PPP6R2: variants seen among roughly 807,000 people sequenced by gnomAD.
The protein encoded by PPP6R2 is serine/threonine-protein phosphatase 6 regulatory subunit 2.
PPP6R2 carries 62 observed loss-of-function variants against 100.2 expected under a neutral mutation model. The ratio of observed to expected loss-of-function variants is 0.62; its 90% CI spans 0.50 to 0.76. The LOEUF (loss-of-function observed/expected upper bound fraction) is 0.76, where lower values mean the gene tolerates loss of function less well. Ranked by LOEUF, PPP6R2 falls within the 30% of genes least tolerant of loss-of-function variation. The pLI is 0.00. For missense variants in PPP6R2, 1,142 were observed against 1,276.3 expected, an observed-to-expected ratio of 0.89 and a Z score of 1.60; for synonymous variants, 525 against 514.7, an observed-to-expected ratio of 1.02 and a Z score of -0.27.
chr22:50,349,363 CAAAAAAAA>C (rs1225878624), intron 1 of PPP6R2, among the ~76,000 whole-genome samples: 2 of 56,344 alleles, frequency 3.5e-5, no homozygotes, highest in South Asian at 6.6e-4. Context: ...GACCCTGTCT[CAAAAAAAA>C]AAAAAAAAAA....
chr22:50,411,688 G>A (rs2059760824), intron 4 of PPP6R2, among the ~76,000 whole-genome samples: 1 of 152,028 alleles, frequency 6.6e-6, no homozygotes, highest in Admixed American at 6.6e-5. Context: ...CGAGGGTGGA[G>A]GTTGCAGTGA....
At chr22:50,430,127 T>C (rs2062865721) in intron 10 of PPP6R2, among the ~76,000 whole-genome samples, 1 of 152,232 alleles carries the variant, frequency 6.6e-6, no homozygotes, top group Non-Finnish European at 1.5e-5. Context: ...GCGTCAGACC[T>C]ATGTCCCCCT....
At chr22:50,353,779 G>C (rs1040108435) in intron 1 of PPP6R2, among the ~76,000 whole-genome samples, 1 of 149,092 alleles carries the variant, frequency 6.7e-6, no homozygotes, top group Non-Finnish European at 1.5e-5. Context: ...ATAGAGGCAA[G>C]ATTTGTACCC....
At chr22:50,408,897 C>G (rs1228105371) in intron 4 of PPP6R2, among the ~76,000 whole-genome samples, 2 of 152,170 alleles carry the variant, frequency 1.3e-5, no homozygotes, top group Non-Finnish European at 2.9e-5. Context: ...AGTGGATCAC[C>G]TGAGGTCAGG....
chr22:50,394,189 C>CCCT, intron 3 of PPP6R2, 54 bp downstream of exon 3: 1 of 1,596,574 alleles, frequency 6.3e-7, no homozygotes, highest in Non-Finnish European at 8.6e-7. Flanking sequence ...GCAGGCAGGC[C>CCCT]GCAGGCAGTG....
chr22:50,386,569 T>C (rs73439388), intron 2 of PPP6R2, among the ~76,000 whole-genome samples: 8,871 of 152,264 alleles, frequency 0.058, 599 homozygotes, highest in African/African-American at 0.17. Context: ...CAAAGAACAG[T>C]GGCTTGAGCA....
intron 12 of PPP6R2, among the ~76,000 whole-genome samples, chr22:50,433,214 C>G (rs1260201687): frequency 6.6e-6 from 1 of 151,084 alleles, no homozygotes; most frequent in African/African-American, 2.4e-5. Context: ...TGGAGGTGAA[C>G]CTGGAGGAGG....
chr22:50,411,864 T>G (rs1039671223), intron 4 of PPP6R2, among the ~76,000 whole-genome samples: 1 of 151,840 alleles, frequency 6.6e-6, no homozygotes, highest in African/African-American at 2.4e-5. Flanking sequence ...GCTAACACGG[T>G]GAAACTCTGT....
At chr22:50,438,862 TG>T in intron 19 of PPP6R2, 100 bp downstream of exon 19, 1 of 1,230,574 alleles carries the variant, frequency 8.1e-7, no homozygotes, top group Non-Finnish European at 1.1e-6. Context: ...CTGAGGCATT[TG>T]GGGCTCACTG....
chr22:50,356,223 C>T (rs1192738932), intron 1 of PPP6R2, among the ~76,000 whole-genome samples: 1 of 151,462 alleles, frequency 6.6e-6, no homozygotes, highest in African/African-American at 2.4e-5. Context: ...CTCGGCCTCC[C>T]AAAATGCTGG....
At chr22:50,442,713 C>T (rs1042340791) in intron 22 of PPP6R2, among the ~76,000 whole-genome samples, 12 of 151,866 alleles carry the variant, frequency 7.9e-5, no homozygotes, top group East Asian at 3.9e-4. Context: ...CCACCAGGCC[C>T]GGCTAATTTT....
At chr22:50,398,755 T>A (rs985733166) in intron 3 of PPP6R2, among the ~76,000 whole-genome samples, 1 of 152,018 alleles carries the variant, frequency 6.6e-6, no homozygotes, top group Non-Finnish European at 1.5e-5. Flanking sequence ...GCTCAGGCAA[T>A]CTGCCTGCCT....
intron 1 of PPP6R2, among the ~76,000 whole-genome samples, chr22:50,361,258 A>G (rs2047731762): frequency 6.6e-6 from 1 of 152,178 alleles, no homozygotes; most frequent in South Asian, 2.1e-4. Flanking sequence ...TCTGGTTATC[A>G]TATGGAGACT....
At chr22:50,395,387 G>A (rs7511085) in intron 3 of PPP6R2, among the ~76,000 whole-genome samples, 54,743 of 151,800 alleles carry the variant, frequency 0.36, 10,441 homozygotes, top group South Asian at 0.61. Flanking sequence ...GGAGAACAGG[G>A]CGGAGCTGGC....
chr22:50,364,814 A>T (rs1296130715), intron 1 of PPP6R2, among the ~76,000 whole-genome samples: 1 of 152,116 alleles, frequency 6.6e-6, no homozygotes, highest in Non-Finnish European at 1.5e-5. Context: ...ATGAGGAAAG[A>T]GTGCCAAAGT....
intron 22 of PPP6R2, chr22:50,443,431 C>G (rs2066291660): frequency 6.2e-6 from 1 of 162,186 alleles, no homozygotes; most frequent in African/African-American, 2.4e-5. Context: ...CGTGGCCAGG[C>G]TGGGCCTTGG....
chr22:50,443,659 A>G, intron 22 of PPP6R2: 1 of 645,804 alleles, frequency 1.5e-6, no homozygotes, highest in Non-Finnish European at 2.6e-6. Context: ...ATGGACAGGC[A>G]GCTTGTCCCA....
At position 50,431,754 on chromosome 22, in the gene PPP6R2, C is replaced by T. The variant is rs1226893949; in HGVS notation, c.1335+372C>T. On this transcript the variant is annotated intron_variant, in intron 11 of 23. Transcript: ENST00000612753. This position sits in a 1 kb window ranked among gnomAD's most constrained non-coding sequence, Gnocchi z 4.8. ...GAGGGGATGCTGAGGGACATGCAGG[C>T]CAACCAGGGACTGTCACCCGGATAG... Among the ~76,000 whole-genome samples the T allele has an allele frequency of 6.6e-6, 1 of 152,068 alleles. No individual in the cohort carries two copies. The highest frequency in any genetic ancestry group is 6.6e-5 in the Admixed American group (1 of 15,264).
At position 50,433,445 on chromosome 22, in the gene PPP6R2, C is replaced by T. The variant is rs530717040; in HGVS notation, c.1400+1116C>T. Reference sequence around the variant, plus strand: ...ATGGATGCTGGGCAGGGGCCGGGCACTTGCCCTGGAGGTGAACCTGGAGGA... The same window carrying T: ...ATGGATGCTGGGCAGGGGCCGGGCATTTGCCCTGGAGGTGAACCTGGAGGA... On this transcript the variant is annotated intron_variant, in intron 12 of 23. Coordinates refer to ENST00000612753, the MANE Select transcript of PPP6R2 (RefSeq NM_001242898.2). Among the ~76,000 whole-genome samples the T allele has an allele frequency of 4.9e-4, 19 of 38,516 alleles. 2 individuals are homozygous for T. In the South Asian group the frequency reaches 0.02, roughly 42 times the overall value. 25.3% of individuals were successfully genotyped at this position (38,516 alleles called of 152,430 possible).
Sources: gnomAD v4.1 joint callset for allele counts (sites outside exome capture counted in the v4.1 genomes callset) on GRCh38, gnomAD v4.1.1 for gene constraint, Gnocchi (gnomAD v3.1) non-coding constraint, MANE v1.5 for transcripts, NCBI Gene and HGNC (gene_info 2026-07-23, HGNC 2026-07-21) for gene names.